NEURL1: variants seen among roughly 807,000 people sequenced by gnomAD.
NEURL1 encodes the protein neuralized E3 ubiquitin protein ligase 1.
In NEURL1, 26 loss-of-function variants were observed where a neutral mutation model predicts 41.2. That is an observed-to-expected ratio of 0.63 (90% CI 0.46 to 0.87). The LOEUF (loss-of-function observed/expected upper bound fraction) is 0.87, where lower values mean the gene tolerates loss of function less well. NEURL1 is among the 40% of genes least tolerant of loss of function. NEURL1 has a pLI of 0.00. For missense variants in NEURL1, 761 were observed against 871.1 expected, an observed-to-expected ratio of 0.87 and a Z score of 1.59; for synonymous variants, 400 against 402.3, an observed-to-expected ratio of 0.99 and a Z score of 0.07.
chr10:103,524,160 T>C (rs1446207962), intron 1 of NEURL1, among the ~76,000 whole-genome samples: 1 of 152,232 alleles, frequency 6.6e-6, no homozygotes, highest in Non-Finnish European at 1.5e-5. Flanking sequence ...TATTTCATTG[T>C]CATTTTGATT....
Position 103,582,102 on chromosome 10 carries a change from G to A in NEURL1, c.650-2434G>A, listed in dbSNP as rs116265432. On this transcript the variant is annotated intron_variant, in intron 3 of 5. Transcript: ENST00000369780. ...TCTGGACTGATTGTCCTGAGGGGGT[G>A]GTGTGGGCCCTGTGACAGCTGTGTT... 1.8e-3 allele frequency among the ~76,000 whole-genome samples: 280 copies of A among 152,186 alleles called. 1 individual carries two copies. Among genetic ancestry groups the A allele is most frequent in the African/African-American group, 6.5e-3 (270 of 41,512 alleles).
chr10:103,551,960 C>T (rs1471747283), intron 1 of NEURL1, among the ~76,000 whole-genome samples: 1 of 152,206 alleles, frequency 6.6e-6, no homozygotes, highest in Non-Finnish European at 1.5e-5. Flanking sequence ...TGCCCCATCC[C>T]TGCTTGCTTA....
At chr10:103,532,524 G>A (rs193058574) in intron 1 of NEURL1, among the ~76,000 whole-genome samples, 1 of 152,286 alleles carries the variant, frequency 6.6e-6, no homozygotes, top group East Asian at 1.9e-4. Flanking sequence ...CTGAAGGATA[G>A]CTTTGCTGGA....
chr10:103,516,117 A>C (rs2034198966), intron 1 of NEURL1, among the ~76,000 whole-genome samples: 1 of 150,668 alleles, frequency 6.6e-6, no homozygotes, highest in African/African-American at 2.4e-5. Flanking sequence ...AGTCCCAGCT[A>C]CTTGGGAGGC....
At chr10:103,587,810 G>GATGATAATTAACTTGGAAAAATATTAAC (rs1223943783) in intron 4 of NEURL1, among the ~76,000 whole-genome samples, 1 of 152,204 alleles carries the variant, frequency 6.6e-6, no homozygotes, top group Non-Finnish European at 1.5e-5. Flanking sequence ...GAAAGAAGGA[G>GATGATAATTAACTTGGAAAAATATTAAC]ATGATAATTA....
At chr10:103,501,632 T>TATTATTATTATTATTATTATC (rs2133844218) in intron 1 of NEURL1, among the ~76,000 whole-genome samples, 1 of 148,622 alleles carries the variant, frequency 6.7e-6, no homozygotes, top group East Asian at 2.0e-4. Flanking sequence ...TTATTATTAT[T>TATTATTATTATTATTATTATC]ATTATTATTA....
At chr10:103,543,252 C>A (rs1387593592) in intron 1 of NEURL1, among the ~76,000 whole-genome samples, 1 of 152,158 alleles carries the variant, frequency 6.6e-6, no homozygotes, top group Non-Finnish European at 1.5e-5. Context: ...CACTCTGGCT[C>A]CCCCATGTTC....
At chr10:103,582,338 CCCCCTGCACAGGCCCTCCTGG>C (rs1430609500) in intron 3 of NEURL1, among the ~76,000 whole-genome samples, 11 of 152,206 alleles carry the variant, frequency 7.2e-5, no homozygotes, top group African/African-American at 2.7e-4. Context: ...CTCCTACCTC[CCCCCTGCACAGGCCCTCCTGG>C]CCTCTGCCTC....
intron 1 of NEURL1, among the ~76,000 whole-genome samples, chr10:103,553,710 G>C (rs970116818): frequency 9.9e-5 from 15 of 152,226 alleles, no homozygotes; most frequent in African/African-American, 3.6e-4. Context: ...CCAGGCCTCT[G>C]AGTTCCATCT....
At chr10:103,553,999 C>T (rs1220087832) in intron 1 of NEURL1, among the ~76,000 whole-genome samples, 1 of 152,340 alleles carries the variant, frequency 6.6e-6, no homozygotes, top group South Asian at 2.1e-4. Context: ...GGTAACCTCA[C>T]GCAAGCTCCT....
intron 4 of NEURL1, among the ~76,000 whole-genome samples, 165 bp from the exon 5 acceptor site, chr10:103,589,349 G>A (rs556810795): frequency 2.0e-5 from 3 of 152,314 alleles, no homozygotes; most frequent in South Asian, 2.1e-4. Flanking sequence ...TATACTCCAC[G>A]GCGGTAATAT....
At chr10:103,499,163 G>T (rs2033761793) in intron 1 of NEURL1, among the ~76,000 whole-genome samples, 1 of 152,186 alleles carries the variant, frequency 6.6e-6, no homozygotes, top group Admixed American at 6.5e-5. Context: ...CTCTGGCTGG[G>T]TGTGACGCCA....
intron 1 of NEURL1, among the ~76,000 whole-genome samples, chr10:103,523,908 G>C (rs901752773): frequency 2.6e-5 from 4 of 152,088 alleles, no homozygotes; most frequent in Non-Finnish European, 5.9e-5. Flanking sequence ...ATAAACATGG[G>C]CGTGCAGCTC....
chr10:103,584,024 T>C (rs1228634217), intron 3 of NEURL1, among the ~76,000 whole-genome samples: 3 of 152,080 alleles, frequency 2.0e-5, no homozygotes, highest in Admixed American at 1.3e-4. Flanking sequence ...AAGGTGATTG[T>C]TAAGGTTAGA....
intron 1 of NEURL1, among the ~76,000 whole-genome samples, chr10:103,503,933 G>C (rs1272884246): frequency 1.3e-5 from 2 of 151,272 alleles, no homozygotes; most frequent in Non-Finnish European, 2.9e-5. Context: ...AAGACTACAG[G>C]TGTGCACCAT....
At position 103,590,724 on chromosome 10, in the gene NEURL1, T is replaced by G; in HGVS notation, c.*352T>G. On this transcript the variant is annotated 3_prime_UTR_variant, in exon 6 of 6. Coordinates refer to ENST00000369780, the MANE Select transcript of NEURL1 (RefSeq NM_004210.5). ...GTTTCTAGGAGGTGTCTGTAGTCCA[T>G]GTGGCACCTTTGTGAGAATTAGAAA... is the stretch of plus-strand genomic sequence containing the variant. The G allele has an allele frequency of 3.2e-6, 1 of 311,638 alleles. No homozygotes were observed. Among genetic ancestry groups the G allele is most frequent in the Non-Finnish European group, 6.1e-6 (1 of 164,872 alleles). 19.3% of individuals were successfully genotyped at this position (311,638 alleles called of 1,614,324 possible). A position where few individuals can be genotyped will look rare whatever the true frequency, so the allele number is the denominator to read the frequency against.
rs1022961625 is a variant in NEURL1, at chr10:103,591,338, C to A, written c.*966C>A. On this transcript the variant is annotated 3_prime_UTR_variant, in exon 6 of 6. Transcript: ENST00000369780. The stretch of plus-strand genomic sequence containing the variant: ...GGCACACCTGGGATGGGCCAGGGCC[C>A]TGGGTGGGGAGGTGTGGGTTCCCTG... 1 of 152,620 alleles carries A rather than the reference C, an allele frequency of 6.6e-6. No homozygotes were observed. The highest frequency in any genetic ancestry group is 1.5e-5 in the Non-Finnish European group (1 of 68,104). 9.5% of individuals were successfully genotyped at this position (152,620 alleles called of 1,614,324 possible).
intron 1 of NEURL1, among the ~76,000 whole-genome samples, chr10:103,521,733 T>G (rs2034353259): frequency 6.6e-6 from 1 of 152,080 alleles, no homozygotes; most frequent in African/African-American, 2.4e-5. Flanking sequence ...AGGCGGAAGT[T>G]TCATTGGGAG....
At chr10:103,575,437 CT>C (rs2035640607) in intron 3 of NEURL1, among the ~76,000 whole-genome samples, 1 of 152,228 alleles carries the variant, frequency 6.6e-6, no homozygotes, top group Non-Finnish European at 1.5e-5. Context: ...CCCCCTTTGT[CT>C]GAAGCCTGTG....
Sources: allele counts gnomAD v4.1 joint callset (sites outside exome capture counted in the v4.1 genomes callset), GRCh38; gene constraint gnomAD v4.1.1; transcripts MANE v1.5; gene names NCBI Gene and HGNC (gene_info 2026-07-23, HGNC 2026-07-21).